The following STIM1 variants were observed in gnomAD, a reference collection of about 807,000 sequenced individuals.
STIM1 encodes stromal interaction molecule 1.
Under a neutral mutation model 74.7 loss-of-function variants are expected in STIM1, and 25 were observed. The observed-to-expected ratio is 0.33, with a 90% CI of 0.24 to 0.47. STIM1 has a LOEUF of 0.47. Ranked by LOEUF, STIM1 falls within the 20% of genes least tolerant of loss-of-function variation. STIM1 has a pLI of 1.00. For synonymous variants in STIM1, 328 were observed against 348.8 expected (o/e 0.94, Z 0.66); for missense variants, 728 against 920.8 (o/e 0.79, Z 2.71).
chr11:3,896,736 C>T (rs2092190898), intron 1 of STIM1, among the ~76,000 whole-genome samples: 2 of 152,138 alleles, frequency 1.3e-5, no homozygotes, highest in South Asian at 2.1e-4. Context: ...AAAGTTGGTA[C>T]CTTAGCTTCT....
At chr11:3,934,009 A>G (rs1282192909) in intron 1 of STIM1, among the ~76,000 whole-genome samples, 1 of 152,074 alleles carries the variant, frequency 6.6e-6, no homozygotes, top group Non-Finnish European at 1.5e-5. Flanking sequence ...GGGACCTAAG[A>G]TTCTCTTTTC....
chr11:4,034,223 T>C (rs2132944608), intron 3 of STIM1, among the ~76,000 whole-genome samples: 1 of 151,730 alleles, frequency 6.6e-6, no homozygotes, highest in Non-Finnish European at 1.5e-5. Flanking sequence ...AGTGAGACAC[T>C]GTCTCGGAAA....
Position 3,888,826 on chromosome 11 carries a change from A to G in STIM1, c.139+32417A>G, listed in dbSNP as rs562006894. Among the ~76,000 whole-genome samples, 15 of 152,240 alleles carry G rather than the reference A, an allele frequency of 9.9e-5. 1 individual carries two copies. In the South Asian group the frequency reaches 2.9e-3, roughly 29 times the overall value. On this transcript the variant is annotated intron_variant, in intron 1 of 12. Transcript: ENST00000526596. ...GTCGGCTTCCCAAAGTGCTGGGATT[A>G]CAGGTGTTAGCCACCATGCCCGGCC...
chr11:4,042,236 T>G (rs550007770), intron 3 of STIM1, among the ~76,000 whole-genome samples: 1 of 152,350 alleles, frequency 6.6e-6, no homozygotes, highest in South Asian at 2.1e-4. Flanking sequence ...TTCTGCCTGG[T>G]ATGCCCTTCC....
intron 5 of STIM1, among the ~76,000 whole-genome samples, chr11:4,061,540 T>G (rs1412103934): frequency 6.6e-6 from 1 of 152,218 alleles, no homozygotes; most frequent in Non-Finnish European, 1.5e-5. Context: ...TGTATATTGC[T>G]GGTGAGAAGG....
chr11:4,046,447 C>T (rs562632821), intron 3 of STIM1, among the ~76,000 whole-genome samples: 1 of 152,248 alleles, frequency 6.6e-6, no homozygotes, highest in East Asian at 1.9e-4. Context: ...TTTCCCTTCT[C>T]ACCTCCCATG....
intron 1 of STIM1, among the ~76,000 whole-genome samples, chr11:3,880,663 C>T (rs1427430047): frequency 6.6e-6 from 1 of 152,086 alleles, no homozygotes; most frequent in Non-Finnish European, 1.5e-5. Flanking sequence ...CCTGCCCCTC[C>T]CCAAAAGAAA....
intron 1 of STIM1, among the ~76,000 whole-genome samples, chr11:3,909,017 G>A (rs894699908): frequency 2.6e-5 from 4 of 152,220 alleles, no homozygotes; most frequent in Admixed American, 1.3e-4. Flanking sequence ...CCACCCCAGA[G>A]AAAGACCTTC....
Position 4,091,706 on chromosome 11 carries a change from G to A in STIM1, c.2059G>A (p.Glu687Lys). 2 of 1,614,130 alleles carry A rather than the reference G, an allele frequency of 1.2e-6. No individual in the cohort carries two copies. The highest frequency in any genetic ancestry group is 1.7e-6 in the Non-Finnish European group (2 of 1,180,048). Residue 687 changes from glutamate to lysine, a missense_variant, in exon 13 of 13, where the codon GAG becomes AAG. Around this residue, in one of 5 missense-constraint regions of STIM1, gnomAD observed 352 missense variants for 370.1 expected, o/e 0.95. Coordinates refer to ENST00000526596, the MANE Select transcript of STIM1 (RefSeq NM_001382567.1). Reference protein sequence around the residue: ...HLAGKKAVAEEDNGSIGEETD... With the variant: ...HLAGKKAVAEKDNGSIGEETD... ...GGCTGGCAAGAAGGCTGTGGCTGAG[G>A]AGGATAATGGCTCTATTGGCGAGGA...
At chr11:3,891,925 A>G (rs1440834660) in intron 1 of STIM1, among the ~76,000 whole-genome samples, 1 of 152,246 alleles carries the variant, frequency 6.6e-6, no homozygotes, top group African/African-American at 2.4e-5. Flanking sequence ...GGACATGTGT[A>G]GCTGTGTCTA....
chr11:3,938,391 A>G lies in STIM1; in HGVS notation c.140-29161A>G, dbSNP rs564853391. Among the ~76,000 whole-genome samples the G allele has an allele frequency of 5.3e-5, 8 of 152,310 alleles. No homozygotes were observed. The East Asian group carries it at 1.2e-3, about 22-fold the overall frequency. ...TGTTGAGAACAGTCTTTGCCAAGTCACAAAATATCCTGTTGTATCCTTTTC... is the reference window on the plus strand; with the variant it reads ...TGTTGAGAACAGTCTTTGCCAAGTCGCAAAATATCCTGTTGTATCCTTTTC... On this transcript the variant is annotated intron_variant, in intron 1 of 12. Transcript: ENST00000526596.
chr11:3,895,654 CT>C (rs1392368407), intron 1 of STIM1, among the ~76,000 whole-genome samples: 1 of 14,362 alleles, frequency 7.0e-5, no homozygotes, highest in East Asian at 2.6e-3. Context: ...TTCTTTCTTT[CT>C]TTCTTTCTTT....
chr11:3,906,536 G>C (rs2092468175), intron 1 of STIM1, among the ~76,000 whole-genome samples: 1 of 152,186 alleles, frequency 6.6e-6, no homozygotes, highest in Non-Finnish European at 1.5e-5. Flanking sequence ...GTATTGTTCT[G>C]TGAGGGCTTA....
intron 2 of STIM1, among the ~76,000 whole-genome samples, chr11:3,979,831 C>T (rs1426316523): frequency 6.6e-6 from 1 of 152,136 alleles, no homozygotes; most frequent in Admixed American, 6.5e-5. Flanking sequence ...TATTTCCAGT[C>T]CCCTTTCTTT....
intron 1 of STIM1, among the ~76,000 whole-genome samples, chr11:3,861,364 G>A (rs1233689314): frequency 6.6e-6 from 1 of 151,948 alleles, no homozygotes; most frequent in Non-Finnish European, 1.5e-5. Flanking sequence ...CTCCCAAGTG[G>A]CTGGGACTAC....
At chr11:3,965,601 T>G (rs1431976196) in intron 1 of STIM1, among the ~76,000 whole-genome samples, 1 of 152,230 alleles carries the variant, frequency 6.6e-6, no homozygotes, top group Non-Finnish European at 1.5e-5. Flanking sequence ...AAGTTCCCAC[T>G]ACCCCTTCAT....
At chr11:3,900,956 T>G (rs2092331647) in intron 1 of STIM1, among the ~76,000 whole-genome samples, 1 of 152,188 alleles carries the variant, frequency 6.6e-6, no homozygotes, top group Admixed American at 6.5e-5. Flanking sequence ...TTTGGGAGGC[T>G]GAGGCAGTCG....
chr11:3,904,586 G>T (rs1481637139), intron 1 of STIM1, among the ~76,000 whole-genome samples: 1 of 152,116 alleles, frequency 6.6e-6, no homozygotes, highest in East Asian at 1.9e-4. Flanking sequence ...ATATGCCTGT[G>T]CTTAGAATGT....
At chr11:3,974,095 A>T in intron 2 of STIM1, 2 of 696,680 alleles carry the variant, frequency 2.9e-6, no homozygotes, top group African/African-American at 1.7e-5. Context: ...TGGTATTTGG[A>T]TCTCTCATTA....
Sources: allele counts gnomAD v4.1 joint callset (sites outside exome capture counted in the v4.1 genomes callset), GRCh38; gene constraint gnomAD v4.1.1; regional missense constraint gnomAD v4.1.1; transcripts MANE v1.5; gene names NCBI Gene and HGNC (gene_info 2026-07-23, HGNC 2026-07-21).